ZHX2: variants seen among roughly 807,000 people sequenced by gnomAD.
The protein encoded by ZHX2 is zinc fingers and homeoboxes 2, also known as zinc fingers and homeoboxes protein 2.
ZHX2 carries 6 observed loss-of-function variants against 21.9 expected under a neutral mutation model. That is an observed-to-expected ratio of 0.27 (90% confidence interval 0.15 to 0.54). The LOEUF (loss-of-function observed/expected upper bound fraction) is 0.54. ZHX2 is among the 20% of genes least tolerant of loss of function. The pLI is 0.95. For missense variants in ZHX2, 908 were observed against 1,090.7 expected, an observed-to-expected ratio of 0.83 and a Z score of 2.36; for synonymous variants, 434 against 437.1, an observed-to-expected ratio of 0.99 and a Z score of 0.09.
At chr8:122,930,338 A>C (rs1474091296) in intron 2 of ZHX2, among the ~76,000 whole-genome samples, 2 of 152,218 alleles carry the variant, frequency 1.3e-5, no homozygotes, top group African/African-American at 4.8e-5. Flanking sequence ...ACAAAAAAGC[A>C]ACACTTTACA....
At chr8:122,836,576 T>G (rs369667810) in intron 1 of ZHX2, among the ~76,000 whole-genome samples, 3 of 152,348 alleles carry the variant, frequency 2.0e-5, no homozygotes, top group East Asian at 3.9e-4. Flanking sequence ...GGCTGAGGCC[T>G]AAAATGGCAT....
In ZHX2 at chr8:122,896,062, C is replaced by T. The variant is rs556007392; in HGVS notation, c.-220+32523C>T. 1.7e-3 allele frequency among the ~76,000 whole-genome samples: 266 copies of T among 152,206 alleles called. 1 individual carries two copies. The highest frequency in any genetic ancestry group is 3.3e-3 in the Non-Finnish European group (226 of 68,016). On this transcript the variant is annotated intron_variant, in intron 2 of 3. Transcript: ENST00000314393. ...TGACAGGAGGGGCTGATGGCAAATG[C>T]AGAGGTGGGGAGTCCATCCTGCCTG... is the stretch of plus-strand genomic sequence containing the variant.
At chr8:122,962,239 A>C (rs1813474447) in intron 3 of ZHX2, among the ~76,000 whole-genome samples, 1 of 152,170 alleles carries the variant, frequency 6.6e-6, no homozygotes, top group African/African-American at 2.4e-5. Flanking sequence ...AGCAGTGTAC[A>C]CTGCACCCAA....
At chr8:122,817,914 T>A (rs976882647) in intron 1 of ZHX2, among the ~76,000 whole-genome samples, 2 of 152,202 alleles carry the variant, frequency 1.3e-5, no homozygotes, top group Non-Finnish European at 2.9e-5. Context: ...TATTATGAGA[T>A]CCTTGAGTGG....
intron 1 of ZHX2, among the ~76,000 whole-genome samples, chr8:122,830,637 T>C (rs1238203644): frequency 6.6e-6 from 1 of 152,184 alleles, no homozygotes; most frequent in East Asian, 1.9e-4. Flanking sequence ...TGTCTGTGCC[T>C]GCAAGACAGT....
intron 2 of ZHX2, among the ~76,000 whole-genome samples, chr8:122,917,713 C>CCCCAAAACCCCTTGGGCCTTGGAA (rs1218814258): frequency 6.6e-6 from 1 of 152,160 alleles, no homozygotes; most frequent in Non-Finnish European, 1.5e-5. Flanking sequence ...GAGTTACTTC[C>CCCCAAAACCCCTTGGGCCTTGGAA]CCCAAAACCC....
At chr8:122,864,637 C>A (rs955094488) in intron 2 of ZHX2, among the ~76,000 whole-genome samples, 1 of 151,924 alleles carries the variant, frequency 6.6e-6, no homozygotes. Context: ...GACTCACCCA[C>A]CCCCCCACTC....
intron 2 of ZHX2, among the ~76,000 whole-genome samples, chr8:122,922,932 G>C (rs890856593): frequency 6.6e-6 from 1 of 152,186 alleles, no homozygotes; most frequent in Non-Finnish European, 1.5e-5. Context: ...CCGGTGGGCT[G>C]CTGGGGACTG....
chr8:122,961,660 A>T (rs2130341935), intron 3 of ZHX2, among the ~76,000 whole-genome samples: 1 of 152,224 alleles, frequency 6.6e-6, no homozygotes, highest in East Asian at 1.9e-4. Context: ...GGAAAGAGGG[A>T]AGAGCCCCTT....
At chr8:122,851,836 T>C (rs1019414951) in intron 1 of ZHX2, among the ~76,000 whole-genome samples, 1 of 152,202 alleles carries the variant, frequency 6.6e-6, no homozygotes, top group African/African-American at 2.4e-5. Flanking sequence ...CCAACTCGTC[T>C]TACTCCAGAA....
chr8:122,917,214 CCTAA>C (rs1820627991), intron 2 of ZHX2, among the ~76,000 whole-genome samples: 1 of 152,164 alleles, frequency 6.6e-6, no homozygotes, highest in African/African-American at 2.4e-5. Context: ...CAGTCAGCCC[CCTAA>C]CTATTTCTGG....
intron 1 of ZHX2, among the ~76,000 whole-genome samples, chr8:122,822,210 G>A (rs1473577428): frequency 6.6e-6 from 1 of 152,106 alleles, no homozygotes; most frequent in Non-Finnish European, 1.5e-5. Context: ...CTTACCCCAC[G>A]ATTTTAGTGC....
intron 2 of ZHX2, among the ~76,000 whole-genome samples, chr8:122,934,342 T>C (rs1372617670): frequency 6.6e-6 from 1 of 152,158 alleles, no homozygotes; most frequent in Non-Finnish European, 1.5e-5. Flanking sequence ...ATCCTGACCT[T>C]GACATTGAGA....
Position 122,875,630 on chromosome 8 carries a change from T to C in ZHX2, c.-220+12091T>C, listed in dbSNP as rs1278888487. Among the ~76,000 whole-genome samples, 16 of 152,378 alleles carry C rather than the reference T, an allele frequency of 1.1e-4. No homozygotes were observed. The East Asian group carries it at 2.9e-3, about 28-fold the overall frequency. ...AGTAGACGTGGTAGTTGGAATTTACTGAGCATAATCTGCTTTAATCTCCTC... is the reference window on the plus strand; with the variant it reads ...AGTAGACGTGGTAGTTGGAATTTACCGAGCATAATCTGCTTTAATCTCCTC... On this transcript the variant is annotated intron_variant, in intron 2 of 3. Transcript: ENST00000314393.
At chr8:122,834,629 T>A (rs1818456361) in intron 1 of ZHX2, among the ~76,000 whole-genome samples, 1 of 152,184 alleles carries the variant, frequency 6.6e-6, no homozygotes, top group African/African-American at 2.4e-5. Flanking sequence ...AAGGTCTCAT[T>A]GTGGGGTTTG....
intron 3 of ZHX2, among the ~76,000 whole-genome samples, chr8:122,966,602 G>T (rs749726002): frequency 6.6e-6 from 1 of 152,054 alleles, no homozygotes; most frequent in Non-Finnish European, 1.5e-5. Flanking sequence ...CCTTCATCTT[G>T]ACTTTAGATA....
intron 1 of ZHX2, among the ~76,000 whole-genome samples, chr8:122,784,698 C>T (rs942846788): frequency 6.6e-6 from 1 of 152,154 alleles, no homozygotes; most frequent in African/African-American, 2.4e-5. Flanking sequence ...TTTTTGTATG[C>T]CAGGCACTAT....
intron 3 of ZHX2, among the ~76,000 whole-genome samples, chr8:122,964,792 A>AT (rs1399342268): frequency 6.6e-5 from 10 of 151,554 alleles, no homozygotes; most frequent in Non-Finnish European, 1.3e-4. Flanking sequence ...TTTGTTGGCA[A>AT]TTTTTTTATT....
intron 1 of ZHX2, among the ~76,000 whole-genome samples, chr8:122,824,971 T>C (rs188090022): frequency 3.3e-5 from 5 of 152,336 alleles, no homozygotes; most frequent in Admixed American, 3.3e-4. Context: ...TCCAGCCGCA[T>C]CATTCCAACA....
Sources: gnomAD v4.1 joint callset for allele counts (sites outside exome capture counted in the v4.1 genomes callset) on GRCh38, gnomAD v4.1.1 for gene constraint, MANE v1.5 for transcripts, NCBI Gene and HGNC (gene_info 2026-07-23, HGNC 2026-07-21) for gene names.